The following SLC6A11 variants were observed in gnomAD, a reference collection of about 807,000 sequenced individuals.
SLC6A11 encodes solute carrier family 6 member 11.
SLC6A11 carries 25 observed loss-of-function variants against 74.8 expected under a neutral mutation model. The ratio of observed to expected loss-of-function variants is 0.33; its 90% confidence interval spans 0.24 to 0.47. SLC6A11 has a LOEUF of 0.47. Ranked by LOEUF, SLC6A11 falls within the 20% of genes least tolerant of loss-of-function variation. The pLI, the probability that SLC6A11 is intolerant of heterozygous loss-of-function variation, is 1.00. For synonymous variants in SLC6A11, 330 were observed against 330.2 expected (o/e 1.00, Z 0.01); for missense variants, 574 against 837.0 (o/e 0.69, Z 3.88).
At chr3:10,891,382 T>G (rs1017395636) in intron 6 of SLC6A11, among the ~76,000 whole-genome samples, 2 of 152,250 alleles carry the variant, frequency 1.3e-5, no homozygotes, top group African/African-American at 4.8e-5. Context: ...ATATTGAATA[T>G]TCAAGTAGCC....
intron 6 of SLC6A11, among the ~76,000 whole-genome samples, chr3:10,880,222 G>C (rs1311189316): frequency 6.6e-6 from 1 of 152,176 alleles, no homozygotes; most frequent in Non-Finnish European, 1.5e-5. Context: ...GTCAGTGAAA[G>C]TTTCCATCTT....
At chr3:10,880,378 G>T (rs1694960819) in intron 6 of SLC6A11, among the ~76,000 whole-genome samples, 1 of 152,186 alleles carries the variant, frequency 6.6e-6, no homozygotes, top group Non-Finnish European at 1.5e-5. Context: ...GTGTCCCTAG[G>T]CCTGGCTGTT....
intron 13 of SLC6A11, among the ~76,000 whole-genome samples, chr3:10,938,039 A>G (rs1412122663): frequency 6.6e-6 from 1 of 152,132 alleles, no homozygotes; most frequent in Non-Finnish European, 1.5e-5. Flanking sequence ...AGGGACCTCT[A>G]CGGTCCCCAT....
chr3:10,822,529 A>G (rs1243016446), intron 3 of SLC6A11, among the ~76,000 whole-genome samples: 4 of 152,140 alleles, frequency 2.6e-5, no homozygotes, highest in African/African-American at 9.7e-5. Flanking sequence ...CCTCAAAATA[A>G]AGGGAGTTGG....
At chr3:10,837,352 C>T (rs920048319) in intron 4 of SLC6A11, among the ~76,000 whole-genome samples, 3 of 152,102 alleles carry the variant, frequency 2.0e-5, no homozygotes, top group African/African-American at 4.8e-5. Context: ...AGGCCTATGT[C>T]GGTCCCTGAT....
In SLC6A11 at chr3:10,929,350, T is replaced by C. The variant is rs372214330; in HGVS notation, c.1371+11T>C. On this transcript the variant is annotated intron_variant, in intron 10 of 13. Transcript: ENST00000254488. ...GTGATGTTAACAGAGGTGAGTGGCA[T>C]GGTTCGGGCCGCACGGGGTGAAGTG... The C allele has an allele frequency of 1.8e-5, 29 of 1,613,546 alleles. No individual in the cohort carries two copies. In the African/African-American group the frequency reaches 3.3e-4, roughly 19 times the overall value.
In SLC6A11 at chr3:10,823,282, T is replaced by A. The variant is rs1488361478; in HGVS notation, c.533-20T>A. ...ATGGAGATTAATTTTCTTCTATTTC[T>A]TGTCTTGTTTCCACTGTAGAGAATT... is the stretch of plus-strand genomic sequence containing the variant. On this transcript the variant is annotated intron_variant, in intron 3 of 13. Coordinates refer to ENST00000254488, the MANE Select transcript of SLC6A11 (RefSeq NM_014229.3). The A allele has an allele frequency of 1.9e-6, 3 of 1,559,616 alleles. No individual in the cohort carries two copies. Among genetic ancestry groups the A allele is most frequent in the Admixed American group, 1.7e-5 (1 of 59,954 alleles).
chr3:10,913,452 G>A (rs1318791322), intron 7 of SLC6A11, among the ~76,000 whole-genome samples: 1 of 152,138 alleles, frequency 6.6e-6, no homozygotes, highest in Non-Finnish European at 1.5e-5. Context: ...TTAAATGGGT[G>A]TGTTTTGTTT....
At chr3:10,914,790 C>A (rs761041141) in intron 7 of SLC6A11, among the ~76,000 whole-genome samples, 12 of 152,166 alleles carry the variant, frequency 7.9e-5, no homozygotes, top group Non-Finnish European at 1.3e-4. Flanking sequence ...CGGGCTGGGC[C>A]AAGTCTGACC....
chr3:10,823,413 C>T (rs767511990), intron 4 of SLC6A11, 21 bp downstream of exon 4: 4 of 1,523,624 alleles, frequency 2.6e-6, no homozygotes, highest in South Asian at 1.1e-5. Context: ...AAGAACTTGT[C>T]TCCCTTGGCC....
intron 6 of SLC6A11, among the ~76,000 whole-genome samples, chr3:10,905,074 T>G (rs1288279905): frequency 1.3e-5 from 2 of 152,252 alleles, no homozygotes; most frequent in African/African-American, 4.8e-5. Context: ...TTCTTTCCCC[T>G]TTCGTCAAAT....
rs528225168 is a variant in SLC6A11, at chr3:10,938,577, C to G, written c.*175C>G. Reference sequence around the variant, plus strand: ...CTGCTCTAAAGTCATATCCCCTCCCCGCCCCCAGTCATCATGGAAGTAACC... The same window carrying G: ...CTGCTCTAAAGTCATATCCCCTCCCGGCCCCCAGTCATCATGGAAGTAACC... On this transcript the variant is annotated 3_prime_UTR_variant, in exon 14 of 14. Coordinates refer to ENST00000254488, the MANE Select transcript of SLC6A11 (RefSeq NM_014229.3). The G allele has an allele frequency of 1.9e-6, 1 of 525,178 alleles. No homozygotes were observed. Among genetic ancestry groups the G allele is most frequent in the South Asian group, 4.2e-5 (1 of 23,880 alleles). 32.5% of individuals were successfully genotyped at this position (525,178 alleles called of 1,614,324 possible).
Position 10,918,301 on chromosome 3 carries a change from C to A in SLC6A11, c.996-28C>A. Reference sequence around the variant, plus strand: ...GTGCACCGGTTCTGCCCGCTCTGACCCTAGTGCCTCTCGCTGCTTCCCCAC... The same window carrying A: ...GTGCACCGGTTCTGCCCGCTCTGACACTAGTGCCTCTCGCTGCTTCCCCAC... On this transcript the variant is annotated intron_variant, in intron 7 of 13. Transcript: ENST00000254488. The surrounding 1 kb of genome is among the most constrained non-coding windows in gnomAD (Gnocchi z 4.5). The A allele has an allele frequency of 6.4e-7, 1 of 1,564,562 alleles. No homozygotes were observed. Among genetic ancestry groups the A allele is most frequent in the Non-Finnish European group, 8.6e-7 (1 of 1,156,980 alleles).
At chr3:10,898,485 A>G (rs879837189) in intron 6 of SLC6A11, among the ~76,000 whole-genome samples, 6 of 152,206 alleles carry the variant, frequency 3.9e-5, no homozygotes, top group Non-Finnish European at 7.3e-5. Flanking sequence ...ACCCTAAATC[A>G]TCTCTCTTAA....
intron 1 of SLC6A11, 107 bp from the exon 2 acceptor site, chr3:10,819,358 T>G: frequency 8.4e-7 from 1 of 1,192,928 alleles, no homozygotes. Context: ...GAACTCAAGT[T>G]CAAAGAACAT....
intron 5 of SLC6A11, among the ~76,000 whole-genome samples, chr3:10,850,202 T>C (rs1694556192): frequency 6.6e-6 from 1 of 152,240 alleles, no homozygotes; most frequent in Non-Finnish European, 1.5e-5. Context: ...AAGTATGAGC[T>C]ATTTCAAATA....
intron 5 of SLC6A11, among the ~76,000 whole-genome samples, chr3:10,863,186 G>C (rs1299751775): frequency 6.6e-6 from 1 of 152,238 alleles, no homozygotes; most frequent in Non-Finnish European, 1.5e-5. Flanking sequence ...ACCAAGTAAA[G>C]AGAAAGCCAG....
chr3:10,912,853 C>T (rs1257066907), intron 7 of SLC6A11, among the ~76,000 whole-genome samples: 2 of 152,146 alleles, frequency 1.3e-5, no homozygotes, highest in South Asian at 4.1e-4. Context: ...GATGGTCAGT[C>T]TGTTGAGGTT....
chr3:10,851,738 GA>G (rs1694579195), intron 5 of SLC6A11, among the ~76,000 whole-genome samples: 1 of 152,248 alleles, frequency 6.6e-6, no homozygotes, highest in Middle Eastern at 3.2e-3. Flanking sequence ...ATCATGGGGG[GA>G]TGCTGTCAGA....
Sources: gnomAD v4.1 joint callset for allele counts (sites outside exome capture counted in the v4.1 genomes callset) on GRCh38, gnomAD v4.1.1 for gene constraint, Gnocchi (gnomAD v3.1) non-coding constraint, MANE v1.5 for transcripts, NCBI Gene and HGNC (gene_info 2026-07-23, HGNC 2026-07-21) for gene names.